VAT1L: variants seen among roughly 807,000 people sequenced by gnomAD.
VAT1L encodes the protein vesicle amine transport 1 like.
Under a neutral mutation model 44.1 loss-of-function variants are expected in VAT1L, and 34 were observed. The ratio of observed to expected loss-of-function variants is 0.77; its 90% CI spans 0.59 to 1.03. VAT1L has a LOEUF of 1.03. Ranked by LOEUF, VAT1L falls within the 50% of genes least tolerant of loss-of-function variation. VAT1L has a pLI of 0.00. For synonymous variants in VAT1L, 253 were observed against 202.2 expected, an observed-to-expected ratio of 1.25 and a Z score of -2.13; for missense variants, 615 against 538.8, an observed-to-expected ratio of 1.14 and a Z score of -1.40.
chr16:77,916,530 T>A (rs976128129), intron 7 of VAT1L, among the ~76,000 whole-genome samples: 1 of 152,358 alleles, frequency 6.6e-6, no homozygotes, highest in East Asian at 1.9e-4. Flanking sequence ...TTGACCAGGC[T>A]GGTCTCAAAC....
intron 7 of VAT1L, among the ~76,000 whole-genome samples, chr16:77,926,113 C>T (rs1033111006): frequency 6.6e-6 from 1 of 150,574 alleles, no homozygotes; most frequent in Non-Finnish European, 1.5e-5. Context: ...ATTAGCCAGG[C>T]ATGGTGGCGG....
chr16:77,924,398 A>G (rs2017644316), intron 7 of VAT1L, among the ~76,000 whole-genome samples: 1 of 152,012 alleles, frequency 6.6e-6, no homozygotes, highest in African/African-American at 2.4e-5. Context: ...GAATGAGCAC[A>G]TCAAAATGCA....
At chr16:77,899,997 C>T (rs763199813) in intron 7 of VAT1L, among the ~76,000 whole-genome samples, 3 of 152,188 alleles carry the variant, frequency 2.0e-5, no homozygotes, top group South Asian at 2.1e-4. Context: ...CCAAGCTACA[C>T]CGTATGCAAG....
chr16:77,892,233 A>G (rs440488), intron 7 of VAT1L, among the ~76,000 whole-genome samples: 39,365 of 152,108 alleles, frequency 0.26, 5,515 homozygotes, highest in African/African-American at 0.37. Context: ...TCCAAAACAG[A>G]TACTGCACCC....
chr16:77,975,360 C>A (rs2018327405), intron 8 of VAT1L, among the ~76,000 whole-genome samples: 1 of 151,818 alleles, frequency 6.6e-6, no homozygotes, highest in Admixed American at 6.6e-5. Context: ...GAGGTGCTCA[C>A]CACACCACAC....
At chr16:77,860,488 T>C (rs1008401666) in intron 3 of VAT1L, among the ~76,000 whole-genome samples, 44 of 152,174 alleles carry the variant, frequency 2.9e-4, no homozygotes, top group African/African-American at 9.6e-4. Flanking sequence ...AATAGAAATT[T>C]GAAAAATAGT....
At chr16:77,931,109 C>A (rs1178376449) in intron 7 of VAT1L, among the ~76,000 whole-genome samples, 1 of 152,182 alleles carries the variant, frequency 6.6e-6, no homozygotes, top group African/African-American at 2.4e-5. Flanking sequence ...GGTTATTCTA[C>A]TCCACAGCCA....
chr16:77,930,652 G>A (rs930955963), intron 7 of VAT1L, among the ~76,000 whole-genome samples: 4 of 152,132 alleles, frequency 2.6e-5, no homozygotes, highest in Non-Finnish European at 1.5e-5. Context: ...TTTGGTGGTT[G>A]GATAATCCTA....
At chr16:77,876,656 G>T (rs528525999) in intron 5 of VAT1L, among the ~76,000 whole-genome samples, 183 bp downstream of exon 5, 3 of 152,308 alleles carry the variant, frequency 2.0e-5, no homozygotes, top group Admixed American at 2.0e-4. Flanking sequence ...AAAATAACAT[G>T]TGCCTACTGT....
chr16:77,907,226 G>T (rs1034915622), intron 7 of VAT1L, among the ~76,000 whole-genome samples: 9 of 152,112 alleles, frequency 5.9e-5, no homozygotes, highest in Admixed American at 5.9e-4. Context: ...ATCAGCTATC[G>T]GAGTCAGTGC....
intron 4 of VAT1L, among the ~76,000 whole-genome samples, chr16:77,868,139 A>T (rs1368778576): frequency 2.6e-5 from 4 of 152,208 alleles, no homozygotes; most frequent in Non-Finnish European, 5.9e-5. Context: ...ATAAACTAAC[A>T]CAAAGCCTAT....
intron 7 of VAT1L, among the ~76,000 whole-genome samples, chr16:77,902,376 T>C (rs1228075949): frequency 2.6e-5 from 4 of 152,362 alleles, no homozygotes; most frequent in Admixed American, 2.6e-4. Flanking sequence ...GTTATCTTGG[T>C]AGATGCCAAG....
chr16:77,838,617 A>C (rs1318609913), intron 3 of VAT1L, among the ~76,000 whole-genome samples: 1 of 151,332 alleles, frequency 6.6e-6, no homozygotes, highest in East Asian at 1.9e-4. Context: ...CACCGCAACA[A>C]ACTGATCTAT....
chr16:77,870,939 G>T lies in VAT1L; in HGVS notation c.723-5431G>T, dbSNP rs117254513. Among the ~76,000 whole-genome samples, 64 of 152,238 alleles carry T rather than the reference G, an allele frequency of 4.2e-4. 1 individual carries two copies. The East Asian group carries it at 0.012, about 29-fold the overall frequency. ...GCTTTTCAGTGTGGGTGTAACTGAG[G>T]CAGGGTCAGTCCCAAGGCTGCTCAT... On this transcript the variant is annotated intron_variant, in intron 4 of 8. Transcript: ENST00000302536.
At chr16:77,858,645 G>C (rs778870690) in intron 3 of VAT1L, among the ~76,000 whole-genome samples, 6 of 152,172 alleles carry the variant, frequency 3.9e-5, no homozygotes, top group Admixed American at 1.3e-4. Flanking sequence ...AGCAGATCAA[G>C]CTGTTACTCT....
intron 7 of VAT1L, among the ~76,000 whole-genome samples, chr16:77,960,781 G>T (rs548941449): frequency 6.6e-6 from 1 of 152,174 alleles, no homozygotes; most frequent in East Asian, 1.9e-4. Flanking sequence ...AGCCCTGATT[G>T]AGGCTTCCAG....
At chr16:77,945,848 G>T (rs540830139) in intron 7 of VAT1L, among the ~76,000 whole-genome samples, 4 of 150,904 alleles carry the variant, frequency 2.7e-5, no homozygotes, top group Non-Finnish European at 5.9e-5. Flanking sequence ...TGTCGCCCAG[G>T]CTGGAGTGCA....
chr16:77,930,476 G>A (rs914715960), intron 7 of VAT1L, among the ~76,000 whole-genome samples: 1 of 152,170 alleles, frequency 6.6e-6, no homozygotes, highest in Admixed American at 6.5e-5. Context: ...GGTAAGACTG[G>A]TACGGAAGGA....
At chr16:77,924,298 C>T (rs985110021) in intron 7 of VAT1L, among the ~76,000 whole-genome samples, 1 of 152,156 alleles carries the variant, frequency 6.6e-6, no homozygotes, top group Non-Finnish European at 1.5e-5. Context: ...ACCACCCCAG[C>T]ATCAAGCTCA....
Sources: allele counts gnomAD v4.1 joint callset (sites outside exome capture counted in the v4.1 genomes callset), GRCh38; gene constraint gnomAD v4.1.1; transcripts MANE v1.5; gene names NCBI Gene and HGNC (gene_info 2026-07-23, HGNC 2026-07-21).